COL24A1: variants seen among roughly 807,000 people sequenced by gnomAD.
COL24A1 encodes the protein collagen alpha-1(XXIV) chain.
COL24A1 carries 224 observed loss-of-function variants against 253.9 expected under a neutral mutation model. The ratio of observed to expected loss-of-function variants is 0.88; its 90% CI spans 0.79 to 0.99. The LOEUF (loss-of-function observed/expected upper bound fraction) is 0.99, where lower values mean the gene tolerates loss of function less well. COL24A1 is among the 50% of genes least tolerant of loss of function. COL24A1 has a pLI of 0.00. For synonymous variants in COL24A1, 685 were observed against 673.7 expected (o/e 1.02, Z -0.26); for missense variants, 2,131 against 2,068.5 (o/e 1.03, Z -0.59).
chr1:85,738,335 C>CA (rs1321342560), intron 57 of COL24A1, among the ~76,000 whole-genome samples: 3 of 151,870 alleles, frequency 2.0e-5, no homozygotes, highest in Admixed American at 6.6e-5. Flanking sequence ...TTTGTTTTCA[C>CA]AAAAAAATCA....
At chr1:86,137,964 A>C (rs1187982517) in intron 2 of COL24A1, among the ~76,000 whole-genome samples, 2 of 152,106 alleles carry the variant, frequency 1.3e-5, no homozygotes, top group African/African-American at 4.8e-5. Context: ...GGTATAAGAC[A>C]CCTATGCCAT....
At chr1:85,947,943 A>G (rs7544448) in intron 24 of COL24A1, among the ~76,000 whole-genome samples, 3 of 2,124 alleles carry the variant, frequency 1.4e-3, no homozygotes, top group East Asian at 7.9e-3. Context: ...AGGCCATTGT[A>G]TTTCTTTGAA....
At chr1:85,817,255 T>C (rs1673133074) in intron 46 of COL24A1, among the ~76,000 whole-genome samples, 1 of 152,176 alleles carries the variant, frequency 6.6e-6, no homozygotes, top group South Asian at 2.1e-4. Context: ...AGGTTATCAT[T>C]TCCCATCTGC....
At chr1:86,097,622 TCTTTTTCTTATTCTTATTCTTC>T (rs1704104725) in intron 5 of COL24A1, among the ~76,000 whole-genome samples, 1 of 106,198 alleles carries the variant, frequency 9.4e-6, no homozygotes. Flanking sequence ...TCCTCCTTCT[TCTTTTTCTTATTCTTATTCTTC>T]CTCCTCCTCC....
At chr1:85,737,531 G>GT (rs1296612099) in intron 57 of COL24A1, 26 bp from the exon 58 acceptor site, 15 of 1,412,262 alleles carry the variant, frequency 1.1e-5, no homozygotes, top group Non-Finnish European at 1.5e-5. Context: ...AAAACATAAA[G>GT]TTAAAGTTAT....
At chr1:85,841,419 C>CT in intron 41 of COL24A1, 141 bp from the exon 42 acceptor site, 1 of 589,516 alleles carries the variant, frequency 1.7e-6, no homozygotes, top group Non-Finnish European at 2.9e-6. Context: ...ATGTAAGAAA[C>CT]TAAGCCTATG....
At position 86,125,987 on chromosome 1, in the gene COL24A1, C is replaced by A. The variant is rs1648226414; in HGVS notation, c.349G>T (p.Val117Leu). ...TILTGLQSHR[V>L]NNAFLFSIRN... is the part of the protein sequence containing the mutation. ...ATGCTGAAGAGAAATGCATTGTTCA[C>A]CCGATGTGACTGTAACCCAGTTAAT... Residue 117 changes from valine to leucine, a missense_variant, in exon 3 of 60, where the codon GTG (valine) becomes TTG (leucine). Coordinates refer to ENST00000370571, the MANE Select transcript of COL24A1 (RefSeq NM_152890.7). 2 of 1,613,402 alleles carry A rather than the reference C, an allele frequency of 1.2e-6. No individual in the cohort carries two copies. The highest frequency in any genetic ancestry group is 2.2e-5 in the South Asian group (2 of 91,076).
chr1:86,011,642 T>C (rs1218675795), intron 19 of COL24A1, among the ~76,000 whole-genome samples: 1 of 152,250 alleles, frequency 6.6e-6, no homozygotes, highest in Non-Finnish European at 1.5e-5. Context: ...GCAAAGCTTA[T>C]TAGTGTCTTT....
chr1:86,131,186 T>C (rs1299863381), intron 2 of COL24A1, among the ~76,000 whole-genome samples: 1 of 152,048 alleles, frequency 6.6e-6, no homozygotes, highest in Non-Finnish European at 1.5e-5. Context: ...AGTTGTTCTT[T>C]ATCTTTGAAA....
At chr1:85,856,161 T>C (rs765294666) in intron 37 of COL24A1, among the ~76,000 whole-genome samples, 12 of 152,202 alleles carry the variant, frequency 7.9e-5, no homozygotes, top group Non-Finnish European at 1.6e-4. Flanking sequence ...TTTGGTTTTG[T>C]TGACCTTTTG....
intron 24 of COL24A1, among the ~76,000 whole-genome samples, chr1:85,949,192 A>G (rs1190372739): frequency 1.3e-5 from 2 of 152,164 alleles, no homozygotes; most frequent in Non-Finnish European, 2.9e-5. Context: ...ACAAATATTT[A>G]TTGAACAACT....
intron 7 of COL24A1, among the ~76,000 whole-genome samples, chr1:86,066,875 C>T (rs1269591984): frequency 1.3e-5 from 2 of 152,112 alleles, no homozygotes; most frequent in East Asian, 1.9e-4. Flanking sequence ...CAATGGCTCA[C>T]GCCTGTAATC....
At chr1:85,881,535 G>A (rs1279846844) in intron 32 of COL24A1, among the ~76,000 whole-genome samples, 5 of 152,056 alleles carry the variant, frequency 3.3e-5, no homozygotes, top group Non-Finnish European at 5.9e-5. Context: ...TGAGGCAGGA[G>A]AATCACTTGA....
At chr1:86,111,379 G>C (rs1705580793) in intron 5 of COL24A1, among the ~76,000 whole-genome samples, 1 of 152,104 alleles carries the variant, frequency 6.6e-6, no homozygotes. Context: ...AATCTAGTGG[G>C]GACTTGGAGA....
intron 2 of COL24A1, among the ~76,000 whole-genome samples, chr1:86,127,754 A>G (rs576744024): frequency 6.6e-6 from 1 of 152,218 alleles, no homozygotes; most frequent in East Asian, 1.9e-4. Flanking sequence ...AAATTAGTAG[A>G]TATTTGATAA....
intron 7 of COL24A1, among the ~76,000 whole-genome samples, chr1:86,076,396 CA>C (rs1266170795): frequency 6.6e-6 from 1 of 152,126 alleles, no homozygotes; most frequent in African/African-American, 2.4e-5. Context: ...AGAGACAACA[CA>C]AACAAATGGA....
At chr1:86,155,623 G>A (rs926165264) in intron 1 of COL24A1, 5 of 152,416 alleles carry the variant, frequency 3.3e-5, no homozygotes, top group Admixed American at 2.6e-4. Flanking sequence ...AACCTCCGCA[G>A]GAGGGGCAGG....
chr1:85,744,769 G>A lies in COL24A1; in HGVS notation c.4569C>T (p.Tyr1523=), dbSNP rs772135165. 6 of 1,609,580 alleles carry A rather than the reference G, an allele frequency of 3.7e-6. No homozygotes were observed. In the Admixed American group the frequency reaches 8.4e-5, roughly 23 times the overall value. Reference sequence around the variant, plus strand: ...TGATGCTGTGCAATAAATTGCTAAGGTAGTTCAGGGTTTTGAATATCTCTT... The same window carrying A: ...TGATGCTGTGCAATAAATTGCTAAGATAGTTCAGGGTTTTGAATATCTCTT... ...HSEEIFKTLN[Y]LSNLLHSIKN... Residue 1523 remains tyrosine, a synonymous_variant, in exon 57 of 60, where the codon TAC becomes TAT. Transcript: ENST00000370571.
chr1:85,829,680 C>T (rs1217557284), intron 43 of COL24A1, among the ~76,000 whole-genome samples: 1 of 152,064 alleles, frequency 6.6e-6, no homozygotes, highest in East Asian at 1.9e-4. Flanking sequence ...ACTTCATCTT[C>T]CATCACTGCT....
Sources: allele counts gnomAD v4.1 joint callset (sites outside exome capture counted in the v4.1 genomes callset), GRCh38; gene constraint gnomAD v4.1.1; transcripts MANE v1.5; gene names NCBI Gene and HGNC (gene_info 2026-07-23, HGNC 2026-07-21).